The following MYO7B variants were observed in gnomAD, a reference collection of about 807,000 sequenced individuals.
MYO7B encodes unconventional myosin-VIIb.
MYO7B carries 212 observed loss-of-function variants against 259.7 expected under a neutral mutation model. The observed-to-expected ratio is 0.82, with a 90% CI of 0.73 to 0.91. The LOEUF (loss-of-function observed/expected upper bound fraction) is 0.91, where lower values mean the gene tolerates loss of function less well. MYO7B is among the 40% of genes least tolerant of loss of function. The pLI is 0.00. For synonymous variants in MYO7B, 1,197 were observed against 1,166.4 expected, an observed-to-expected ratio of 1.03 and a Z score of -0.54; for missense variants, 2,732 against 2,813.5, an observed-to-expected ratio of 0.97 and a Z score of 0.66.
intron 34 of MYO7B, among the ~76,000 whole-genome samples, chr2:127,629,011 G>A (rs1681313604): frequency 6.6e-6 from 1 of 152,252 alleles, no homozygotes. Context: ...TCCATCGAGA[G>A]CTGGGCTGTG....
rs36105119 is a variant in MYO7B, at chr2:127,597,611, A to ATATTTATTTATTTATTTATTTATT, written c.2339+1073_2339+1096dup. Among the ~76,000 whole-genome samples the ATATTTATTTATTTATTTATTTATT allele has an allele frequency of 1.4e-5, 2 of 145,792 alleles. No homozygotes were observed. The highest frequency in any genetic ancestry group is 5.2e-5 in the African/African-American group (2 of 38,748). ...TTCATCCAGGTTATTGCTTGCATTAATATTTATTTATTTATTTATTTATTT... is the reference window on the plus strand; with the variant it reads ...TTCATCCAGGTTATTGCTTGCATTAATATTTATTTATTTATTTATTTATTTATTTATTTATTTATTTATTTATTT... On this transcript the variant is annotated intron_variant, in intron 19 of 47. Transcript: ENST00000409816. This position sits in a 1 kb window ranked among gnomAD's most constrained non-coding sequence, Gnocchi z 4.8.
chr2:127,575,046 G>A (rs1310608197), intron 7 of MYO7B, among the ~76,000 whole-genome samples: 1 of 152,174 alleles, frequency 6.6e-6, no homozygotes, highest in Admixed American at 6.5e-5. Context: ...GGGGTCCAGA[G>A]GGGAGAATGC....
intron 35 of MYO7B, 141 bp from the exon 36 acceptor site, chr2:127,630,637 G>T: frequency 8.7e-7 from 1 of 1,149,752 alleles, no homozygotes; most frequent in Non-Finnish European, 1.2e-6. Flanking sequence ...GCAGGTGACA[G>T]GGGTGTGGGT....
At chr2:127,564,328 C>T (rs1678239378) in intron 3 of MYO7B, 62 bp downstream of exon 3, 21 of 1,328,548 alleles carry the variant, frequency 1.6e-5, no homozygotes, top group Non-Finnish European at 2.1e-5. Context: ...CCCTGGAGCC[C>T]TCCCCGCCCT....
intron 19 of MYO7B, among the ~76,000 whole-genome samples, chr2:127,599,922 A>G (rs991977211): frequency 6.6e-6 from 1 of 152,268 alleles, no homozygotes; most frequent in Middle Eastern, 3.4e-3. Context: ...TTAATGTTTC[A>G]TTAAGGATTT....
intron 35 of MYO7B, 139 bp downstream of exon 35, chr2:127,629,965 C>T (rs1407861773): frequency 7.7e-6 from 7 of 909,688 alleles, no homozygotes. Context: ...GGGCAGCCCC[C>T]ACCATTCCTG....
chr2:127,568,598 A>T (rs1678456277), intron 5 of MYO7B, among the ~76,000 whole-genome samples: 1 of 152,226 alleles, frequency 6.6e-6, no homozygotes, highest in South Asian at 2.1e-4. Context: ...CATAACTTTT[A>T]AAAAAGGTAA....
At chr2:127,632,436 C>A in intron 39 of MYO7B, 35 bp downstream of exon 39, 5 of 1,501,550 alleles carry the variant, frequency 3.3e-6, no homozygotes, top group Non-Finnish European at 4.4e-6. Flanking sequence ...AGCATTGGCC[C>A]TGGGCCCGCA....
At position 127,627,273 on chromosome 2, in the gene MYO7B, C is replaced by T. The variant is rs747517414; in HGVS notation, c.4423C>T (p.Leu1475Phe). 3 of 1,612,904 alleles carry T rather than the reference C, an allele frequency of 1.9e-6. No homozygotes were observed. The highest frequency in any genetic ancestry group is 2.2e-5 in the South Asian group (2 of 90,866). ...CCAGCAGGAGAAGATGCTGCTGGAA[C>T]TCTCTTTCCCAGAGGTCATGGGTCT... ...LDQQEKMLLE[L>F]SFPEVMGLAT... The change falls in exon 33 of 48, where the codon CTC (leucine) becomes TTC (phenylalanine). Residue 1475 changes from leucine to phenylalanine, a missense_variant. Leu to Phe is a conservative substitution (Grantham distance 22, BLOSUM62 0). This residue lies in a region of MYO7B where 1,906 missense variants were observed against 2,026.4 expected (regional missense o/e 0.94). Transcript: ENST00000409816. The surrounding 1 kb of genome is among the most constrained non-coding windows in gnomAD (Gnocchi z 5.6).
Position 127,632,347 on chromosome 2 carries a change from G to A in MYO7B, c.5351G>A (p.Arg1784Gln), listed in dbSNP as rs532416210. ...CATGCCCAGAAGTTTATAGACACTCGGAGGGGGAAGCTGCTGGCCCCCGAC... is the reference window on the plus strand; with the variant it reads ...CATGCCCAGAAGTTTATAGACACTCAGAGGGGGAAGCTGCTGGCCCCCGAC... ...LPHAQKFIDTRRGKLLAPDCS... is the reference protein window; with the variant it reads ...LPHAQKFIDTQRGKLLAPDCS... The change falls in exon 39 of 48, where the codon CGG (arginine) becomes CAG (glutamine). Residue 1784 changes from arginine to glutamine, a missense_variant. Around this residue, in one of 3 missense-constraint regions of MYO7B, gnomAD observed 821 missense variants for 769.3 expected, o/e 1.07. Transcript: ENST00000409816. 4.5e-4 allele frequency: 728 copies of A among 1,600,448 alleles called. 9 individuals are homozygous for A. In the South Asian group the frequency reaches 7.4e-3, roughly 16 times the overall value.
intron 28 of MYO7B, among the ~76,000 whole-genome samples, 195 bp downstream of exon 28, chr2:127,622,296 C>T (rs1253610832): frequency 6.6e-6 from 1 of 152,168 alleles, no homozygotes; most frequent in East Asian, 1.9e-4. Context: ...GCGTGACCCC[C>T]ATCTCCAAAT....
chr2:127,621,924 G>T, intron 27 of MYO7B, 58 bp from the exon 28 acceptor site: 1 of 1,550,994 alleles, frequency 6.4e-7, no homozygotes, highest in Non-Finnish European at 8.7e-7. Flanking sequence ...TGGGTGGTGA[G>T]TAGAAACTGG....
chr2:127,623,063 A>T, intron 28 of MYO7B, 139 bp from the exon 29 acceptor site: 1 of 996,040 alleles, frequency 1.0e-6, no homozygotes, highest in Non-Finnish European at 1.4e-6. Flanking sequence ...CTGGGGCTTC[A>T]GAGGGCCCAC....
intron 16 of MYO7B, among the ~76,000 whole-genome samples, chr2:127,591,445 G>C (rs891069668): frequency 1.3e-5 from 2 of 152,188 alleles, no homozygotes; most frequent in African/African-American, 4.8e-5. Context: ...GCTGCTCAGG[G>C]TTCAAACCCA....
chr2:127,637,202 C>T lies in MYO7B; in HGVS notation c.6328-114C>T, dbSNP rs1360861099. ...CCCCAATGGCAGGAGCCCGCCTTCC[C>T]TTTCTCCATGCCCTGCACTGCTGGT... On this transcript the variant is annotated intron_variant, in intron 47 of 47. Transcript: ENST00000409816. The T allele has an allele frequency of 5.3e-6, 5 of 944,334 alleles. No individual in the cohort carries two copies. In the South Asian group the frequency reaches 7.0e-5, roughly 13 times the overall value. 58.5% of individuals were successfully genotyped at this position (944,334 alleles called of 1,614,324 possible). A position where few individuals can be genotyped will look rare whatever the true frequency, so the allele number is the denominator to read the frequency against.
At chr2:127,543,900 A>G (rs1693111940) in intron 1 of MYO7B, among the ~76,000 whole-genome samples, 3 of 151,600 alleles carry the variant, frequency 2.0e-5, no homozygotes, top group Admixed American at 6.6e-5. Flanking sequence ...ACCTGCCACC[A>G]CACCCGGCTC....
At position 127,535,914 on chromosome 2, in the gene MYO7B, C is replaced by T. The variant is rs926072197; in HGVS notation, c.-24+83C>T. On this transcript the variant is annotated intron_variant, in intron 1 of 47. Transcript: ENST00000409816. The surrounding 1 kb of genome is among the most constrained non-coding windows in gnomAD (Gnocchi z 4.8). ...GAGGGTCGCTGGGCAGGAGGCAGGT[C>T]CCCTGGAAATAAGATGGAACAGGTC... 1 of 152,482 alleles carries T rather than the reference C, an allele frequency of 6.6e-6. No individual in the cohort carries two copies. Among genetic ancestry groups the T allele is most frequent in the Non-Finnish European group, 1.5e-5 (1 of 68,336 alleles). 9.4% of individuals were successfully genotyped at this position (152,482 alleles called of 1,614,324 possible). A position where few individuals can be genotyped will look rare whatever the true frequency, so the allele number is the denominator to read the frequency against.
rs1680538663 is a variant in MYO7B at position 127,615,555 on chromosome 2, G to A, written c.3398+2952G>A. On this transcript the variant is annotated intron_variant, in intron 26 of 47. Transcript: ENST00000409816. This position sits in a 1 kb window ranked among gnomAD's most constrained non-coding sequence, Gnocchi z 4.4. ...TGGTCAGCTGCTTAATTGATCACAG[G>A]TTCATAGTATTACTAACAGGCTTCA... 6.6e-6 allele frequency among the ~76,000 whole-genome samples: 1 copy of A among 151,992 alleles called. No individual in the cohort carries two copies. The highest frequency in any genetic ancestry group is 6.6e-5 in the Admixed American group (1 of 15,248).
In MYO7B at chr2:127,585,933, T is replaced by G. The variant is rs1200939739; in HGVS notation, c.1690+1020T>G. On this transcript the variant is annotated intron_variant, in intron 14 of 47. Coordinates refer to ENST00000409816, the MANE Select transcript of MYO7B (RefSeq NM_001393586.1). This position sits in a 1 kb window ranked among gnomAD's most constrained non-coding sequence, Gnocchi z 4.3. Reference sequence around the variant, plus strand: ...TTTTCACTGGGTTGTCTTTTCATTGTCGAGTTGTAAGACTTCTTTATATAT... The same window carrying G: ...TTTTCACTGGGTTGTCTTTTCATTGGCGAGTTGTAAGACTTCTTTATATAT... Among the ~76,000 whole-genome samples, 1 of 152,248 alleles carries G rather than the reference T, an allele frequency of 6.6e-6. No individual in the cohort carries two copies. The highest frequency in any genetic ancestry group is 1.5e-5 in the Non-Finnish European group (1 of 68,040).
Sources: gnomAD v4.1 joint callset for allele counts (sites outside exome capture counted in the v4.1 genomes callset) on GRCh38, gnomAD v4.1.1 for gene constraint, gnomAD v4.1.1 regional missense constraint, Gnocchi (gnomAD v3.1) non-coding constraint, MANE v1.5 for transcripts, NCBI Gene and HGNC (gene_info 2026-07-23, HGNC 2026-07-21) for gene names.